The following MRTFB variants were observed in gnomAD, a reference collection of about 807,000 sequenced individuals.
The protein encoded by MRTFB is myocardin-related transcription factor B.
In MRTFB, 29 loss-of-function variants were observed where a neutral mutation model predicts 104.2. The ratio of observed to expected loss-of-function variants is 0.28; its 90% confidence interval spans 0.21 to 0.38. MRTFB has a LOEUF of 0.38. Among genes scored for constraint, MRTFB ranks in the 10% least tolerant of loss-of-function variants. MRTFB has a pLI of 1.00. For missense variants in MRTFB, 1,270 were observed against 1,341.6 expected, an observed-to-expected ratio of 0.95 and a Z score of 0.83; for synonymous variants, 535 against 519.5, an observed-to-expected ratio of 1.03 and a Z score of -0.41.
At chr16:14,124,379 C>T (rs1167958795) in intron 2 of MRTFB, among the ~76,000 whole-genome samples, 3 of 152,086 alleles carry the variant, frequency 2.0e-5, no homozygotes, top group African/African-American at 4.8e-5. Flanking sequence ...TTTGCCCATT[C>T]GGTATGATAT....
intron 2 of MRTFB, among the ~76,000 whole-genome samples, chr16:14,128,060 G>T (rs931542032): frequency 6.0e-5 from 9 of 150,674 alleles, no homozygotes; most frequent in African/African-American, 2.2e-4. Flanking sequence ...AAAGAGAAAA[G>T]ATTTATTCTC....
intron 2 of MRTFB, among the ~76,000 whole-genome samples, chr16:14,136,092 G>A (rs572611424): frequency 6.6e-6 from 1 of 152,186 alleles, no homozygotes; most frequent in South Asian, 2.1e-4. Context: ...CCAACATGGT[G>A]AGATCCCTGT....
intron 3 of MRTFB, among the ~76,000 whole-genome samples, chr16:14,208,717 C>G (rs1383221347): frequency 6.6e-6 from 1 of 152,174 alleles, no homozygotes; most frequent in African/African-American, 2.4e-5. Context: ...GTAAGATGCA[C>G]AGGTCAGCTC....
chr16:14,076,090 T>C, intron 1 of MRTFB, among the ~76,000 whole-genome samples: 1 of 152,172 alleles, frequency 6.6e-6, no homozygotes, highest in East Asian at 1.9e-4. Flanking sequence ...ACTCTTTTTA[T>C]ATAAAATATA....
In MRTFB at chr16:14,184,114, G is replaced by A. The variant is rs548775099; in HGVS notation, c.155-26129G>A. ...AAAAAAGTTGGCATTTATTGTTTTCGTTGTTCTTTTTGCAAAGTAATTAAG... is the reference window on the plus strand; with the variant it reads ...AAAAAAGTTGGCATTTATTGTTTTCATTGTTCTTTTTGCAAAGTAATTAAG... On this transcript the variant is annotated intron_variant, in intron 3 of 16. Transcript: ENST00000571589. Among the ~76,000 whole-genome samples the A allele has an allele frequency of 4.9e-5, 7 of 142,728 alleles. No individual in the cohort carries two copies. In the South Asian group the frequency reaches 1.1e-3, roughly 23 times the overall value. 93.6% of individuals were successfully genotyped at this position (142,728 alleles called of 152,430 possible). A position where few individuals can be genotyped will look rare whatever the true frequency, so the allele number is the denominator to read the frequency against.
At chr16:14,243,568 G>A (rs1286547534) in intron 10 of MRTFB, among the ~76,000 whole-genome samples, 2 of 152,170 alleles carry the variant, frequency 1.3e-5, no homozygotes, top group Non-Finnish European at 1.5e-5. Flanking sequence ...GAAGATGTTA[G>A]GTGGGGATCT....
chr16:14,249,297 C>G (rs2043157600), intron 13 of MRTFB, among the ~76,000 whole-genome samples: 1 of 152,198 alleles, frequency 6.6e-6, no homozygotes, highest in Non-Finnish European at 1.5e-5. Context: ...TGAAAGATAG[C>G]TCGCCTTCGC....
the MRTFB span, among the ~76,000 whole-genome samples, chr16:13,999,896 G>C: frequency 6.6e-6 from 1 of 152,178 alleles, no homozygotes; most frequent in African/African-American, 2.4e-5. Context: ...ACAACACTGA[G>C]GGCCTCCTCT....
Position 14,210,235 on chromosome 16 carries a change from T to C in MRTFB, c.155-8T>C. On this transcript the variant is annotated splice_region_variant and splice_polypyrimidine_tract_variant and intron_variant, in intron 3 of 16. Transcript: ENST00000571589. ...TAAACTCCAATGGTGATTATTTCCT[T>C]TTCACAGTGCTCCAGCTGAGGCTGC... The C allele has an allele frequency of 6.2e-7, 1 of 1,611,884 alleles. No individual in the cohort carries two copies. The highest frequency in any genetic ancestry group is 8.5e-7 in the Non-Finnish European group (1 of 1,178,638).
At chr16:14,162,037 C>G (rs1379662635) in intron 3 of MRTFB, among the ~76,000 whole-genome samples, 1 of 149,116 alleles carries the variant, frequency 6.7e-6, no homozygotes, top group Non-Finnish European at 1.5e-5. Context: ...ATGTTTTGGT[C>G]AGGCATGGTG....
chr16:14,067,088 G>A (rs1447595096), upstream of MRTFB, among the ~76,000 whole-genome samples: 4 of 152,168 alleles, frequency 2.6e-5, no homozygotes. Context: ...CGCTCACATT[G>A]ATGGGAAAGT....
intron 3 of MRTFB, among the ~76,000 whole-genome samples, chr16:14,179,498 AG>A (rs1259021897): frequency 1.3e-5 from 2 of 152,210 alleles, no homozygotes; most frequent in East Asian, 3.8e-4. Flanking sequence ...CATTTCCGTA[AG>A]GAGTTCATGA....
At chr16:14,006,432 C>T in the MRTFB span, among the ~76,000 whole-genome samples, 1 of 151,800 alleles carries the variant, frequency 6.6e-6, no homozygotes, top group African/African-American at 2.4e-5. Context: ...ATAAGAATCG[C>T]TTGACCAGAG....
At chr16:14,017,345 C>T in the MRTFB span, among the ~76,000 whole-genome samples, 36 of 151,010 alleles carry the variant, frequency 2.4e-4, no homozygotes, top group African/African-American at 5.6e-4. Context: ...CGTGAGCCAC[C>T]GCGCCCGGCC....
chr16:14,078,929 G>A (rs1303029281), intron 1 of MRTFB, among the ~76,000 whole-genome samples: 2 of 152,018 alleles, frequency 1.3e-5, no homozygotes, highest in Non-Finnish European at 2.9e-5. Flanking sequence ...TTACACATAT[G>A]GGAAAACAGG....
intron 15 of MRTFB, among the ~76,000 whole-genome samples, chr16:14,256,159 T>A (rs1199989960): frequency 4.9e-5 from 7 of 143,944 alleles, no homozygotes; most frequent in African/African-American, 1.6e-4. Flanking sequence ...AAATGTCAAA[T>A]TTTTTTTTAA....
chr16:14,144,156 G>C (rs931710051), intron 3 of MRTFB: 1 of 152,102 alleles, frequency 6.6e-6, no homozygotes, highest in African/African-American at 2.4e-5. Flanking sequence ...TGGTTTTTAA[G>C]CCAATGTGTT....
chr16:14,063,940 C>T, the MRTFB span, among the ~76,000 whole-genome samples: 1 of 152,206 alleles, frequency 6.6e-6, no homozygotes, highest in Non-Finnish European at 1.5e-5. Flanking sequence ...TGAACATACA[C>T]ATGCATGTGT....
At chr16:14,000,623 C>T in the MRTFB span, among the ~76,000 whole-genome samples, 2 of 152,214 alleles carry the variant, frequency 1.3e-5, no homozygotes, top group Non-Finnish European at 2.9e-5. Flanking sequence ...CAGTTTGATT[C>T]CCTCTCTGCA....
Sources: gnomAD v4.1 joint callset for allele counts (sites outside exome capture counted in the v4.1 genomes callset) on GRCh38, gnomAD v4.1.1 for gene constraint, MANE v1.5 for transcripts, NCBI Gene and HGNC (gene_info 2026-07-23, HGNC 2026-07-21) for gene names.